Variants in SEMA3D observed in about 807,000 individuals in gnomAD.
SEMA3D encodes the protein semaphorin 3D.
In SEMA3D, 84 loss-of-function variants were observed where a neutral mutation model predicts 100.1. The ratio of observed to expected loss-of-function variants is 0.84; its 90% CI spans 0.70 to 1.01. The LOEUF (loss-of-function observed/expected upper bound fraction) is 1.01. Ranked by LOEUF, SEMA3D falls within the 50% of genes least tolerant of loss-of-function variation. The probability of loss-of-function intolerance (pLI) is 0.00; values close to 1 mark genes in which losing one functional copy is unlikely to be tolerated. For synonymous variants in SEMA3D, 312 were observed against 320.7 expected, an observed-to-expected ratio of 0.97 and a Z score of 0.29; for missense variants, 875 against 934.1, an observed-to-expected ratio of 0.94 and a Z score of 0.82.
the SEMA3D span, among the ~76,000 whole-genome samples, chr7:85,207,337 A>C: frequency 6.6e-6 from 1 of 152,118 alleles, no homozygotes; most frequent in Admixed American, 6.6e-5. Flanking sequence ...ACCAATTTTC[A>C]TACATTGACA....
At chr7:85,038,905 T>C (rs967787439) in intron 11 of SEMA3D, among the ~76,000 whole-genome samples, 2 of 152,298 alleles carry the variant, frequency 1.3e-5, no homozygotes, top group African/African-American at 4.8e-5. Flanking sequence ...CAATAGTGCA[T>C]TTCAGTTTAT....
At chr7:85,161,197 G>A (rs74402570) in intron 1 of SEMA3D, among the ~76,000 whole-genome samples, 2,983 of 152,158 alleles carry the variant, frequency 0.02, 101 homozygotes, top group African/African-American at 0.068. Flanking sequence ...TGTTACACTA[G>A]TCTTCACCTG....
At chr7:85,013,402 T>TCA (rs1790011165) in intron 16 of SEMA3D, among the ~76,000 whole-genome samples, 1 of 151,786 alleles carries the variant, frequency 6.6e-6, no homozygotes, top group African/African-American at 2.4e-5. Flanking sequence ...TATCTGCTGA[T>TCA]GAGTAGCTCA....
intron 3 of SEMA3D, among the ~76,000 whole-genome samples, chr7:85,110,612 A>C (rs1789067370): frequency 6.6e-6 from 1 of 152,156 alleles, no homozygotes. Context: ...ACTTTTATTA[A>C]TACATGTTCT....
In SEMA3D at chr7:85,157,842, G is replaced by C. The variant is rs766681262; in HGVS notation, c.-172-4103C>G. Among the ~76,000 whole-genome samples the C allele has an allele frequency of 2.0e-5, 3 of 152,112 alleles. No individual in the cohort carries two copies. The South Asian group carries it at 6.2e-4, about 32-fold the overall frequency. On this transcript the variant is annotated intron_variant, in intron 1 of 18. Coordinates refer to ENST00000284136, the MANE Select transcript of SEMA3D (RefSeq NM_001384900.1). ...GAACGTAGGGACCGGCTGAAGTCAT[G>C]GCAGAAGAACATAAATTGTGAAGAT...
chr7:85,114,792 A>G (rs1277414335), intron 3 of SEMA3D, among the ~76,000 whole-genome samples: 4 of 152,202 alleles, frequency 2.6e-5, no homozygotes, highest in African/African-American at 4.8e-5. Flanking sequence ...GATGAATGAA[A>G]ATTTAGAGAA....
At chr7:85,119,945 G>A (rs544279891) in intron 3 of SEMA3D, among the ~76,000 whole-genome samples, 10 of 148,754 alleles carry the variant, frequency 6.7e-5, no homozygotes, top group East Asian at 4.0e-4. Context: ...TTTCCGAGTC[G>A]CACCATTAAG....
the SEMA3D span, among the ~76,000 whole-genome samples, chr7:85,202,052 A>G: frequency 7.0e-3 from 1,064 of 151,186 alleles, 11 homozygotes; most frequent in African/African-American, 0.024. Flanking sequence ...TTATTTATTT[A>G]TTATTATTAT....
chr7:85,207,336 C>G, the SEMA3D span, among the ~76,000 whole-genome samples: 1 of 152,018 alleles, frequency 6.6e-6, no homozygotes, highest in East Asian at 1.9e-4. Context: ...TACCAATTTT[C>G]ATACATTGAC....
At chr7:85,165,122 G>A (rs957475931) in intron 1 of SEMA3D, among the ~76,000 whole-genome samples, 13 of 151,682 alleles carry the variant, frequency 8.6e-5, no homozygotes, top group Non-Finnish European at 1.5e-4. Flanking sequence ...TGCGATAGAC[G>A]AGTTAATGGG....
At chr7:85,012,080 C>A (rs564062988) in intron 17 of SEMA3D, among the ~76,000 whole-genome samples, 1 of 151,666 alleles carries the variant, frequency 6.6e-6, no homozygotes. Flanking sequence ...CAGACTCACT[C>A]ACCAGGCCTC....
At chr7:85,149,062 A>G (rs948318185) in intron 2 of SEMA3D, among the ~76,000 whole-genome samples, 25 of 152,284 alleles carry the variant, frequency 1.6e-4, no homozygotes, top group African/African-American at 6.0e-4. Context: ...ATTAACAGGA[A>G]ACACAAAATA....
chr7:85,222,040 A>G, the SEMA3D span, among the ~76,000 whole-genome samples: 131 of 152,212 alleles, frequency 8.6e-4, 1 homozygote, highest in African/African-American at 2.7e-3. Flanking sequence ...TTAGCTGTCT[A>G]TTCTCAAGAT....
At chr7:85,175,032 C>T (rs1009414689) in intron 1 of SEMA3D, among the ~76,000 whole-genome samples, 2 of 151,966 alleles carry the variant, frequency 1.3e-5, no homozygotes, top group Admixed American at 6.6e-5. Flanking sequence ...TCTTCATGTA[C>T]GATTATTGAA....
intron 1 of SEMA3D, among the ~76,000 whole-genome samples, chr7:85,164,814 C>T (rs1790851459): frequency 6.6e-6 from 1 of 152,078 alleles, no homozygotes; most frequent in Admixed American, 6.6e-5. Context: ...TAAAACTCAA[C>T]TCCATTGTAT....
At chr7:85,143,795 C>T (rs1339197591) in intron 2 of SEMA3D, among the ~76,000 whole-genome samples, 1 of 150,584 alleles carries the variant, frequency 6.6e-6, no homozygotes, top group African/African-American at 2.5e-5. Flanking sequence ...GGTCTTGGCT[C>T]ACTGCAATCT....
At chr7:85,029,968 A>G (rs920123675) in intron 12 of SEMA3D, among the ~76,000 whole-genome samples, 1 of 151,578 alleles carries the variant, frequency 6.6e-6, no homozygotes, top group Non-Finnish European at 1.5e-5. Context: ...ACTAACCACA[A>G]CCTCCACCCC....
At chr7:85,101,559 T>G (rs1016931728) in intron 3 of SEMA3D, among the ~76,000 whole-genome samples, 5 of 151,974 alleles carry the variant, frequency 3.3e-5, no homozygotes, top group Non-Finnish European at 7.4e-5. Context: ...GGAAATGATG[T>G]GATAAGCCAT....
intron 2 of SEMA3D, chr7:85,141,407 T>G (rs999510944): frequency 1.0e-6 from 1 of 984,354 alleles, no homozygotes; most frequent in Admixed American, 6.2e-5. Flanking sequence ...AATTAATCAT[T>G]GTACTATTGG....
Sources: allele counts gnomAD v4.1 joint callset (sites outside exome capture counted in the v4.1 genomes callset), GRCh38; gene constraint gnomAD v4.1.1; transcripts MANE v1.5; gene names NCBI Gene and HGNC (gene_info 2026-07-23, HGNC 2026-07-21).